The following LRMDA variants were observed in gnomAD, a reference collection of about 807,000 sequenced individuals.
LRMDA encodes the protein leucine rich melanocyte differentiation associated, also known as leucine-rich melanocyte differentiation-associated protein.
Under a neutral mutation model 29.8 loss-of-function variants are expected in LRMDA, and 18 were observed. The ratio of observed to expected loss-of-function variants is 0.60; its 90% CI spans 0.42 to 0.90. The LOEUF is 0.90. Among genes scored for constraint, LRMDA ranks in the 40% least tolerant of loss-of-function variants. LRMDA has a pLI of 0.00. For missense variants in LRMDA, 273 were observed against 273.9 expected (o/e 1.00, Z 0.02); for synonymous variants, 125 against 109.4 (o/e 1.14, Z -0.89).
rs368445506 is a variant in LRMDA, at chr10:75,776,298, C to A, written c.132-259710C>A. Among the ~76,000 whole-genome samples, 219 of 152,226 alleles carry A rather than the reference C, an allele frequency of 1.4e-3. 5 individuals are homozygous for A. In the South Asian group the frequency reaches 0.032, roughly 22 times the overall value. On this transcript the variant is annotated intron_variant, in intron 2 of 6. Coordinates refer to ENST00000611255, the MANE Select transcript of LRMDA (RefSeq NM_001305581.2). ...AAGAACTCACAGAGATGATTCAGTC[C>A]AGTAGTTCGCAAGGTTCTAGAAATC...
chr10:75,657,421 G>T (rs1264995410), intron 2 of LRMDA, among the ~76,000 whole-genome samples: 2 of 152,148 alleles, frequency 1.3e-5, no homozygotes, highest in African/African-American at 4.8e-5. Context: ...ATGGTGTGCT[G>T]GAAATTCATG....
chr10:75,703,710 A>G (rs138010654), intron 2 of LRMDA, among the ~76,000 whole-genome samples: 17 of 152,336 alleles, frequency 1.1e-4, no homozygotes, highest in Non-Finnish European at 1.8e-4. Context: ...GCCATTTACA[A>G]TTCAGTAACC....
intron 6 of LRMDA, among the ~76,000 whole-genome samples, chr10:76,418,545 T>A (rs988358015): frequency 2.0e-5 from 3 of 151,958 alleles, no homozygotes; most frequent in Non-Finnish European, 4.4e-5. Flanking sequence ...GTTTCTAGAG[T>A]TTTTGGTTTT....
chr10:76,119,194 A>G (rs1329681589), intron 5 of LRMDA, among the ~76,000 whole-genome samples: 1 of 151,616 alleles, frequency 6.6e-6, no homozygotes, highest in Non-Finnish European at 1.5e-5. Flanking sequence ...TCATATTGAC[A>G]TTAGCTGCCT....
Position 76,126,185 on chromosome 10 carries a change from C to G in LRMDA, c.516+67402C>G, listed in dbSNP as rs566498961. Among the ~76,000 whole-genome samples, 8 of 152,288 alleles carry G rather than the reference C, an allele frequency of 5.3e-5. No homozygotes were observed. The South Asian group carries it at 1.7e-3, about 32-fold the overall frequency. ...GCCTGCTCTAGGACTTGTGTGGCCT[C>G]GAGAGCATTGAGGTTGTTCATGATG... On this transcript the variant is annotated intron_variant, in intron 5 of 6. Transcript: ENST00000611255.
At chr10:75,955,770 T>C (rs1177819812) in intron 2 of LRMDA, among the ~76,000 whole-genome samples, 1 of 152,176 alleles carries the variant, frequency 6.6e-6, no homozygotes, top group Non-Finnish European at 1.5e-5. Flanking sequence ...ATTTTTGGAG[T>C]TCCTGTGGCT....
intron 6 of LRMDA, among the ~76,000 whole-genome samples, chr10:76,372,704 T>C (rs1428003086): frequency 6.6e-6 from 1 of 152,102 alleles, no homozygotes; most frequent in Non-Finnish European, 1.5e-5. Context: ...TCAGCATCTT[T>C]TTTATGCTAT....
intron 2 of LRMDA, among the ~76,000 whole-genome samples, chr10:75,536,704 TTAG>T (rs1335196535): frequency 6.6e-6 from 1 of 152,064 alleles, no homozygotes; most frequent in African/African-American, 2.4e-5. Flanking sequence ...AATTCTTAAA[TTAG>T]TAGTAGCTGG....
intron 5 of LRMDA, among the ~76,000 whole-genome samples, chr10:76,120,189 A>AT (rs35999168): frequency 0.024 from 3,189 of 133,168 alleles, 121 homozygotes; most frequent in African/African-American, 0.08. Context: ...GTATGTGTTG[A>AT]TTTTTTTTTT....
chr10:76,027,812 G>T (rs569998584), intron 2 of LRMDA, among the ~76,000 whole-genome samples: 63 of 152,214 alleles, frequency 4.1e-4, no homozygotes, highest in African/African-American at 1.3e-3. Context: ...TTAATTTGGG[G>T]TACTTAAATG....
At chr10:76,149,610 C>G (rs1307687956) in intron 5 of LRMDA, among the ~76,000 whole-genome samples, 1 of 152,106 alleles carries the variant, frequency 6.6e-6, no homozygotes, top group Non-Finnish European at 1.5e-5. Flanking sequence ...AAATAAAAGC[C>G]TACAAATTTT....
chr10:76,255,612 A>C (rs992344363), intron 5 of LRMDA, among the ~76,000 whole-genome samples: 2 of 152,228 alleles, frequency 1.3e-5, no homozygotes, highest in African/African-American at 4.8e-5. Context: ...TCTTTCCTCA[A>C]CCAAGAAGAT....
chr10:76,096,398 C>G (rs1208502115), intron 5 of LRMDA, among the ~76,000 whole-genome samples: 2 of 151,890 alleles, frequency 1.3e-5, no homozygotes, highest in Non-Finnish European at 2.9e-5. Flanking sequence ...TCCTGCTTGC[C>G]TTTCATCTTT....
chr10:76,015,294 G>T (rs1847861978), intron 2 of LRMDA, among the ~76,000 whole-genome samples: 2 of 152,238 alleles, frequency 1.3e-5, no homozygotes, highest in African/African-American at 2.4e-5. Flanking sequence ...ACAAGCCTGT[G>T]GTTAAGGCAT....
intron 2 of LRMDA, among the ~76,000 whole-genome samples, chr10:75,669,295 A>AT (rs1841863183): frequency 6.6e-6 from 1 of 152,150 alleles, no homozygotes; most frequent in East Asian, 1.9e-4. Flanking sequence ...AGGATAGACC[A>AT]TTTTTTCCCT....
At chr10:76,020,549 A>G (rs1847957303) in intron 2 of LRMDA, among the ~76,000 whole-genome samples, 1 of 152,192 alleles carries the variant, frequency 6.6e-6, no homozygotes, top group Admixed American at 6.5e-5. Context: ...CTTCAACCCC[A>G]GTGCAGGCCC....
chr10:76,266,386 T>C (rs1447469971), intron 5 of LRMDA, among the ~76,000 whole-genome samples: 1 of 152,158 alleles, frequency 6.6e-6, no homozygotes, highest in African/African-American at 2.4e-5. Flanking sequence ...AGGCTGACAA[T>C]TTCTTATTTA....
chr10:76,120,371 G>A (rs191284285), intron 5 of LRMDA, among the ~76,000 whole-genome samples: 398 of 151,816 alleles, frequency 2.6e-3, no homozygotes, highest in African/African-American at 9.0e-3. Flanking sequence ...GTATTTTAGC[G>A]GAGACAGGAT....
At chr10:75,789,978 A>G (rs1843538072) in intron 2 of LRMDA, among the ~76,000 whole-genome samples, 1 of 152,098 alleles carries the variant, frequency 6.6e-6, no homozygotes, top group Admixed American at 6.5e-5. Context: ...AATATACGAG[A>G]TGGTTAAGGA....
Sources: gnomAD v4.1 joint callset for allele counts (sites outside exome capture counted in the v4.1 genomes callset) on GRCh38, gnomAD v4.1.1 for gene constraint, MANE v1.5 for transcripts, NCBI Gene and HGNC (gene_info 2026-07-23, HGNC 2026-07-21) for gene names.